PAPOLA: variants seen among roughly 807,000 people sequenced by gnomAD.
PAPOLA encodes poly(A) polymerase alpha.
In PAPOLA, 15 loss-of-function variants were observed where a neutral mutation model predicts 100.6. That is an observed-to-expected ratio of 0.15 (90% CI 0.10 to 0.23). The LOEUF (loss-of-function observed/expected upper bound fraction) is 0.23. Among genes scored for constraint, PAPOLA ranks in the 10% least tolerant of loss-of-function variants. PAPOLA has a pLI of 1.00. For missense variants in PAPOLA, 533 were observed against 884.2 expected (o/e 0.60, Z 5.04); for synonymous variants, 293 against 300.0 (o/e 0.98, Z 0.24).
At chr14:96,535,144 G>A (rs1254001051) in intron 10 of PAPOLA, 2 of 953,230 alleles carry the variant, frequency 2.1e-6, no homozygotes, top group African/African-American at 1.8e-5. Context: ...TTAACAACAT[G>A]CACTTTATAA....
chr14:96,563,583 T>C (rs1902041098), intron 21 of PAPOLA, among the ~76,000 whole-genome samples: 1 of 152,106 alleles, frequency 6.6e-6, no homozygotes, highest in Non-Finnish European at 1.5e-5. Context: ...ACAAAGTAAC[T>C]GAGATAACAA....
intron 9 of PAPOLA, chr14:96,534,112 C>T: frequency 9.9e-7 from 1 of 1,007,388 alleles, no homozygotes; most frequent in Non-Finnish European, 1.2e-6. Flanking sequence ...TTAAAATTAT[C>T]ACTTGACTTT....
intron 20 of PAPOLA, 152 bp from the exon 21 acceptor site, chr14:96,562,667 A>C: frequency 3.8e-6 from 2 of 527,882 alleles, no homozygotes; most frequent in Non-Finnish European, 6.8e-6. Flanking sequence ...TACAACATCT[A>C]CTGACTAGAT....
intron 20 of PAPOLA, 164 bp from the exon 21 acceptor site, chr14:96,562,655 C>A (rs918344885): frequency 2.5e-5 from 12 of 477,942 alleles, no homozygotes; most frequent in Non-Finnish European, 4.6e-5. Flanking sequence ...GGTGAAATAA[C>A]CTACAACATC....
chr14:96,564,346 T>C (rs528625251), intron 21 of PAPOLA, among the ~76,000 whole-genome samples: 65 of 152,220 alleles, frequency 4.3e-4, no homozygotes, highest in African/African-American at 1.5e-3. Flanking sequence ...CTCTCTACTT[T>C]GTGTATGTTT....
Position 96,542,868 on chromosome 14 carries a change from CCAG to C in PAPOLA, c.1267_1269del (p.Ala423del), listed in dbSNP as rs763198755. On this transcript the variant is annotated inframe_deletion, in exon 14 of 22. Coordinates refer to ENST00000216277, the MANE Select transcript of PAPOLA (RefSeq NM_032632.5). ...GGCTCATGTGAATCCCCAGTCATTT[CCAG>C]CACCCAAAGAAAATCCCGACAAGTA... 2 of 1,612,184 alleles carry C rather than the reference CCAG, an allele frequency of 1.2e-6. No individual in the cohort carries two copies. The highest frequency in any genetic ancestry group is 1.7e-6 in the Non-Finnish European group (2 of 1,179,430).
At position 96,536,016 on chromosome 14, in the gene PAPOLA, A is replaced by C; in HGVS notation, c.1030+17A>C. 6.4e-7 allele frequency: 1 copy of C among 1,571,216 alleles called. No homozygotes were observed. The highest frequency in any genetic ancestry group is 8.6e-7 in the Non-Finnish European group (1 of 1,157,764). Reference sequence around the variant, plus strand: ...TTAAACAAGGTAAGTGTTTATCCTTATGCTCTGATTTATACAGGAAGGATT... The same window carrying C: ...TTAAACAAGGTAAGTGTTTATCCTTCTGCTCTGATTTATACAGGAAGGATT... On this transcript the variant is annotated intron_variant, in intron 11 of 21. Coordinates refer to ENST00000216277, the MANE Select transcript of PAPOLA (RefSeq NM_032632.5).
Position 96,560,630 on chromosome 14 carries a change from C to G in PAPOLA, c.2005-19C>G, listed in dbSNP as rs773153224. 7.3e-7 allele frequency: 1 copy of G among 1,373,902 alleles called. No homozygotes were observed. Among genetic ancestry groups the G allele is most frequent in the Non-Finnish European group, 1.0e-6 (1 of 998,016 alleles). 85.1% of individuals were successfully genotyped at this position (1,373,902 alleles called of 1,614,324 possible). ...AAATTTTTCATTTTAGAGAATAAAG[C>G]TTTTTTTTTTAAAAACAGGATGAAA... On this transcript the variant is annotated intron_variant, in intron 19 of 21. Coordinates refer to ENST00000216277, the MANE Select transcript of PAPOLA (RefSeq NM_032632.5).
chr14:96,549,658 A>C (rs1324400401), intron 16 of PAPOLA, among the ~76,000 whole-genome samples: 4 of 152,178 alleles, frequency 2.6e-5, no homozygotes, highest in Admixed American at 6.5e-5. Flanking sequence ...TGTTCAGTGC[A>C]TGTTTCCACA....
chr14:96,533,589 C>G, intron 9 of PAPOLA: 1 of 880,542 alleles, frequency 1.1e-6, no homozygotes, highest in Non-Finnish European at 1.3e-6. Flanking sequence ...GAGTCTCACT[C>G]TGTCACCCAG....
chr14:96,557,285 A>C (rs1901422091), intron 19 of PAPOLA, among the ~76,000 whole-genome samples: 1 of 152,220 alleles, frequency 6.6e-6, no homozygotes, highest in Non-Finnish European at 1.5e-5. Flanking sequence ...TCCTGGGCTC[A>C]AGCGATCCTC....
chr14:96,514,205 G>T (rs1897285920), intron 1 of PAPOLA, among the ~76,000 whole-genome samples: 1 of 147,500 alleles, frequency 6.8e-6, no homozygotes, highest in African/African-American at 2.5e-5. Context: ...TTGAGACTGA[G>T]TCCTGTTCTG....
At chr14:96,507,359 CTCACTGCAAGCTCCGT>C (rs1896801793) in intron 1 of PAPOLA, among the ~76,000 whole-genome samples, 1 of 137,312 alleles carries the variant, frequency 7.3e-6, no homozygotes, top group Non-Finnish European at 1.5e-5. Context: ...GCGATCTCCG[CTCACTGCAAGCTCCGT>C]CTTCCGGGTT....
intron 1 of PAPOLA, chr14:96,502,932 C>G (rs891830748): frequency 4.1e-5 from 14 of 342,380 alleles, no homozygotes; most frequent in South Asian, 1.0e-4. Context: ...CAAAACAACC[C>G]GAAAACAAAA....
In PAPOLA at chr14:96,525,199, TA is replaced by T. The variant is rs1898358259; in HGVS notation, c.250-108del. ...TTATAGACTTTGAATACCCTTTATA[TA>T]AATTTACACTGTAATCTTTCTTGGA... On this transcript the variant is annotated intron_variant, in intron 3 of 21. Transcript: ENST00000216277. The T allele has an allele frequency of 6.3e-6, 4 of 638,316 alleles. No homozygotes were observed. The South Asian group carries it at 7.8e-5, about 12-fold the overall frequency. The allele number at this position is 638,316 out of a possible 1,614,324, so 39.5% of individuals were successfully genotyped here.
intron 1 of PAPOLA, chr14:96,504,430 C>G (rs569099704): frequency 1.3e-5 from 2 of 152,246 alleles, no homozygotes; most frequent in Non-Finnish European, 2.9e-5. Context: ...GGGCCAGGCG[C>G]GGTGGTTCAC....
In PAPOLA at chr14:96,552,576, A is replaced by C; in HGVS notation, c.1618A>C (p.Ser540Arg). 3 of 1,614,058 alleles carry C rather than the reference A, an allele frequency of 1.9e-6. No homozygotes were observed. The highest frequency in any genetic ancestry group is 2.5e-6 in the Non-Finnish European group (3 of 1,179,904). Reference sequence around the variant, plus strand: ...CAGCATGTCTGTGCCTTCACCTACTAGTGCTACGAAGACCAGTCCATTGAA... The same window carrying C: ...CAGCATGTCTGTGCCTTCACCTACTCGTGCTACGAAGACCAGTCCATTGAA... Reference protein sequence around the residue: ...DNSMSVPSPTSATKTSPLNSS... With the variant: ...DNSMSVPSPTRATKTSPLNSS... The change falls in exon 17 of 22, where the codon AGT (serine) becomes CGT (arginine). Residue 540 changes from serine (S) to arginine (R), a missense_variant. Ser to Arg is a moderately radical substitution (Grantham distance 110). Coordinates refer to ENST00000216277, the MANE Select transcript of PAPOLA (RefSeq NM_032632.5).
chr14:96,520,963 G>A, intron 2 of PAPOLA, 43 bp from the exon 3 acceptor site: 1 of 900,614 alleles, frequency 1.1e-6, no homozygotes, highest in Non-Finnish European at 1.9e-6. Flanking sequence ...AATTTAATCA[G>A]TAATGATCTG....
chr14:96,529,535 A>G (rs986396058), intron 6 of PAPOLA, among the ~76,000 whole-genome samples: 1 of 150,214 alleles, frequency 6.7e-6, no homozygotes, highest in African/African-American at 2.5e-5. Context: ...GTCCTGGCCA[A>G]CACGTTGAAA....
Sources: gnomAD v4.1 joint callset for allele counts (sites outside exome capture counted in the v4.1 genomes callset) on GRCh38, gnomAD v4.1.1 for gene constraint, MANE v1.5 for transcripts, NCBI Gene and HGNC (gene_info 2026-07-23, HGNC 2026-07-21) for gene names.